The following PHACTR3 variants were observed in gnomAD, a reference collection of about 807,000 sequenced individuals.
PHACTR3 encodes protein phosphatase 1, regulatory subunit 123.
A neutral mutation model predicts 66.8 loss-of-function variants in PHACTR3; 16 were observed. The ratio of observed to expected loss-of-function variants is 0.24; its 90% CI spans 0.16 to 0.36. The LOEUF (loss-of-function observed/expected upper bound fraction) is 0.36, where lower values mean the gene tolerates loss of function less well. PHACTR3 is among the 10% of genes least tolerant of loss of function. PHACTR3 has a pLI of 1.00. For missense variants in PHACTR3, 647 were observed against 719.9 expected, an observed-to-expected ratio of 0.90 and a Z score of 1.16; for synonymous variants, 323 against 292.1, an observed-to-expected ratio of 1.11 and a Z score of -1.08.
At chr20:59,651,336 A>T (rs1228040493) in intron 1 of PHACTR3, among the ~76,000 whole-genome samples, 1 of 152,244 alleles carries the variant, frequency 6.6e-6, no homozygotes. Context: ...TCATGTAGTA[A>T]ATTATGAACT....
At chr20:59,747,319 T>C (rs917677390) in intron 2 of PHACTR3, among the ~76,000 whole-genome samples, 1 of 152,136 alleles carries the variant, frequency 6.6e-6, no homozygotes, top group African/African-American at 2.4e-5. Context: ...TGTGAGTGGA[T>C]GTTAAGAGCG....
At chr20:59,618,122 A>G (rs1352226746) in intron 1 of PHACTR3, among the ~76,000 whole-genome samples, 2 of 152,164 alleles carry the variant, frequency 1.3e-5, no homozygotes, top group African/African-American at 2.4e-5. Flanking sequence ...CAGGAAAGGG[A>G]AAGGTATGCT....
intron 8 of PHACTR3, among the ~76,000 whole-genome samples, chr20:59,812,093 C>T (rs910888882): frequency 1.3e-5 from 2 of 152,220 alleles, no homozygotes; most frequent in Admixed American, 6.5e-5. Context: ...ACAGCGGTCA[C>T]GATGCTAGTG....
intron 1 of PHACTR3, among the ~76,000 whole-genome samples, chr20:59,662,987 G>T (rs1472009474): frequency 1.3e-5 from 2 of 152,244 alleles, no homozygotes; most frequent in African/African-American, 4.8e-5. Context: ...GAGGTCTGAA[G>T]TCAAGGCATC....
chr20:59,838,939 C>T (rs987864562), intron 9 of PHACTR3, among the ~76,000 whole-genome samples: 2 of 151,872 alleles, frequency 1.3e-5, no homozygotes, highest in Non-Finnish European at 2.9e-5. Flanking sequence ...TCCAACAGAG[C>T]GCCTGGCACA....
intron 7 of PHACTR3, among the ~76,000 whole-genome samples, chr20:59,801,920 A>G (rs1475169348): frequency 6.6e-6 from 1 of 152,174 alleles, no homozygotes; most frequent in Non-Finnish European, 1.5e-5. Context: ...GACGTGTGGC[A>G]TCTTCCTCAT....
chr20:59,743,047 C>A, intron 1 of PHACTR3, 60 bp from the exon 2 acceptor site: 1 of 1,566,230 alleles, frequency 6.4e-7, no homozygotes, highest in South Asian at 1.2e-5. Context: ...CACCTTGGGC[C>A]CCCAGGAGTC....
chr20:59,593,430 A>G (rs1245505575), intron 1 of PHACTR3, among the ~76,000 whole-genome samples: 1 of 150,136 alleles, frequency 6.7e-6, no homozygotes, highest in Non-Finnish European at 1.5e-5. Flanking sequence ...TTTTACAAAT[A>G]TTTTCTCCCA....
intron 1 of PHACTR3, among the ~76,000 whole-genome samples, chr20:59,697,291 C>T (rs573297048): frequency 5.3e-5 from 8 of 152,168 alleles, no homozygotes; most frequent in Non-Finnish European, 1.2e-4. Flanking sequence ...TCTCAGCATG[C>T]GATTGCATCA....
chr20:59,819,627 C>A (rs767795226), intron 8 of PHACTR3, among the ~76,000 whole-genome samples: 2 of 152,194 alleles, frequency 1.3e-5, no homozygotes, highest in African/African-American at 2.4e-5. Context: ...AGGTTGCCAC[C>A]CCCGTGTGTG....
intron 1 of PHACTR3, among the ~76,000 whole-genome samples, chr20:59,679,199 G>C (rs969174725): frequency 6.6e-6 from 1 of 152,168 alleles, no homozygotes; most frequent in African/African-American, 2.4e-5. Context: ...GATTGAAAAA[G>C]AAATTAAAGT....
intron 1 of PHACTR3, among the ~76,000 whole-genome samples, chr20:59,674,844 C>T: frequency 1.4e-5 from 1 of 71,122 alleles, no homozygotes; most frequent in African/African-American, 7.4e-5. Context: ...TCTGCCTTCT[C>T]CTGCCTTCTC....
intron 12 of PHACTR3, among the ~76,000 whole-genome samples, chr20:59,845,814 T>C (rs1043193113): frequency 6.6e-6 from 1 of 152,184 alleles, no homozygotes; most frequent in Non-Finnish European, 1.5e-5. Context: ...TTATGTCCCA[T>C]TGGGAATATA....
intron 7 of PHACTR3, among the ~76,000 whole-genome samples, chr20:59,797,725 G>A (rs1887410): frequency 2.0e-5 from 3 of 152,124 alleles, no homozygotes; most frequent in African/African-American, 7.2e-5. Context: ...TGTACATTGA[G>A]GTAATTGTGT....
chr20:59,631,793 G>A (rs1204009305), intron 1 of PHACTR3, among the ~76,000 whole-genome samples: 1 of 152,134 alleles, frequency 6.6e-6, no homozygotes, highest in African/African-American at 2.4e-5. Context: ...TTTTTCAAAG[G>A]ACTTGGGAAA....
At chr20:59,792,833 T>C (rs1242006270) in intron 7 of PHACTR3, among the ~76,000 whole-genome samples, 1 of 152,186 alleles carries the variant, frequency 6.6e-6, no homozygotes, top group Non-Finnish European at 1.5e-5. Flanking sequence ...ACCAAAATAT[T>C]GTTTGGTACC....
At chr20:59,824,002 G>A (rs1055083649) in intron 8 of PHACTR3, among the ~76,000 whole-genome samples, 1 of 152,244 alleles carries the variant, frequency 6.6e-6, no homozygotes, top group African/African-American at 2.4e-5. Context: ...AGGCCACGAA[G>A]TCAGCACGGG....
In PHACTR3 at chr20:59,846,662, G is replaced by GGTCTT. The variant is rs1954646587; in HGVS notation, c.1665-453_1665-452insGTCTT. ...TAATGACTCTAATACTTAAAATGTG[G>GGTCTT]TATAAAGACCCTAAAATTATTTCAA... On this transcript the variant is annotated intron_variant, in intron 12 of 12. Transcript: ENST00000371015. Among the ~76,000 whole-genome samples, 7 of 152,122 alleles carry GGTCTT rather than the reference G, an allele frequency of 4.6e-5. No homozygotes were observed. In the South Asian group the frequency reaches 1.5e-3, roughly 32 times the overall value.
At chr20:59,680,279 T>C (rs1247521363) in intron 1 of PHACTR3, among the ~76,000 whole-genome samples, 1 of 152,116 alleles carries the variant, frequency 6.6e-6, no homozygotes, top group Non-Finnish European at 1.5e-5. Flanking sequence ...ATTATGGACT[T>C]ACATGCAGGG....
Sources: gnomAD v4.1 joint callset for allele counts (sites outside exome capture counted in the v4.1 genomes callset) on GRCh38, gnomAD v4.1.1 for gene constraint, MANE v1.5 for transcripts, NCBI Gene and HGNC (gene_info 2026-07-23, HGNC 2026-07-21) for gene names.